Variants in FAM162A observed in about 807,000 individuals in gnomAD.
The protein encoded by FAM162A is protein FAM162A.
FAM162A carries 23 observed loss-of-function variants against 21.8 expected under a neutral mutation model. The observed-to-expected ratio is 1.05, with a 90% CI of 0.76 to 1.49. The LOEUF (loss-of-function observed/expected upper bound fraction) is 1.49, where lower values mean the gene tolerates loss of function less well. Ranked by LOEUF, FAM162A falls within the 40% of genes most tolerant of loss-of-function variation. FAM162A has a pLI of 0.00. For synonymous variants in FAM162A, 53 were observed against 61.3 expected (o/e 0.86, Z 0.64); for missense variants, 165 against 186.4 (o/e 0.89, Z 0.67).
intron 1 of FAM162A, among the ~76,000 whole-genome samples, chr3:122,402,128 A>G (rs2075655954): frequency 6.6e-6 from 1 of 152,028 alleles, no homozygotes. Context: ...GGTATTTATT[A>G]GCCATATAGC....
At chr3:122,390,237 C>A (rs1282443005) in intron 1 of FAM162A, among the ~76,000 whole-genome samples, 1 of 152,154 alleles carries the variant, frequency 6.6e-6, no homozygotes, top group Non-Finnish European at 1.5e-5. Context: ...GGTACGACAT[C>A]CCTCAGCAGA....
chr3:122,392,861 T>C (rs1053981057), intron 1 of FAM162A, among the ~76,000 whole-genome samples: 1 of 152,114 alleles, frequency 6.6e-6, no homozygotes, highest in African/African-American at 2.4e-5. Flanking sequence ...TGAAAAGTGT[T>C]CTAGAAGTTT....
chr3:122,395,027 A>G (rs2075621075), intron 1 of FAM162A, among the ~76,000 whole-genome samples: 1 of 152,234 alleles, frequency 6.6e-6, no homozygotes, highest in Admixed American at 6.5e-5. Context: ...ACACATAACC[A>G]CATCAGTAAA....
chr3:122,404,283 C>T lies in FAM162A; in HGVS notation c.183C>T (p.His61=), dbSNP rs1433478403. Residue 61 remains histidine (H), a synonymous_variant, in exon 3 of 5, where the codon CAC becomes CAT. Coordinates refer to ENST00000477892, the MANE Select transcript of FAM162A (RefSeq NM_014367.4). ...GCACTTACAACAGAGTGCCTTTACA[C>T]AAACCTACGGATTGGCAGAAAAAGA... ...PSRTYNRVPL[H]KPTDWQKKIL... 1 of 1,604,912 alleles carries T rather than the reference C, an allele frequency of 6.2e-7. No homozygotes were observed. Among genetic ancestry groups the T allele is most frequent in the African/African-American group, 1.3e-5 (1 of 74,282 alleles).
intron 3 of FAM162A, among the ~76,000 whole-genome samples, chr3:122,404,728 C>G (rs2075669418): frequency 6.6e-6 from 1 of 152,200 alleles, no homozygotes. Context: ...CTTAAGTACT[C>G]AACCTTAGGT....
At chr3:122,408,616 C>G (rs1421414033) in intron 4 of FAM162A, among the ~76,000 whole-genome samples, 1 of 152,122 alleles carries the variant, frequency 6.6e-6, no homozygotes, top group Non-Finnish European at 1.5e-5. Flanking sequence ...AACTCTGTTC[C>G]CACCCCACTT....
chr3:122,396,030 A>G (rs1222099614), intron 1 of FAM162A, among the ~76,000 whole-genome samples: 1 of 152,220 alleles, frequency 6.6e-6, no homozygotes, highest in Non-Finnish European at 1.5e-5. Flanking sequence ...CACAGAAAGT[A>G]TACTAGTATA....
intron 1 of FAM162A, 84 bp from the exon 2 acceptor site, chr3:122,402,676 C>A: frequency 7.9e-7 from 1 of 1,260,712 alleles, no homozygotes; most frequent in Non-Finnish European, 1.1e-6. Context: ...ATAAATGAAA[C>A]GTAACTTGCG....
chr3:122,405,047 G>GC (rs757700082), intron 3 of FAM162A, among the ~76,000 whole-genome samples: 68 of 152,320 alleles, frequency 4.5e-4, no homozygotes, highest in South Asian at 8.3e-4. Context: ...TCCAGACACT[G>GC]CCAAATGTCC....
At chr3:122,389,417 AG>A in intron 1 of FAM162A, among the ~76,000 whole-genome samples, 1 of 151,806 alleles carries the variant, frequency 6.6e-6, no homozygotes, top group South Asian at 2.1e-4. Context: ...ATAGATAGAT[AG>A]ATAGATAGAT....
intron 1 of FAM162A, among the ~76,000 whole-genome samples, chr3:122,385,411 G>T (rs868354738): frequency 2.0e-4 from 30 of 152,052 alleles, no homozygotes; most frequent in African/African-American, 7.0e-4. Flanking sequence ...CAGTTTTGTT[G>T]AACTAATTCA....
At chr3:122,387,923 C>A (rs373111681) in intron 1 of FAM162A, among the ~76,000 whole-genome samples, 1 of 151,690 alleles carries the variant, frequency 6.6e-6, no homozygotes, top group African/African-American at 2.4e-5. Flanking sequence ...CATGTAGGGG[C>A]GGTAATGAGT....
At position 122,410,809 on chromosome 3, in the gene FAM162A, A is replaced by G. The variant is rs913872881; in HGVS notation, c.*978A>G. ...TAGATTACATACCATTCAGTGTAGC[A>G]TGATGAAATCTCTTGCCAATCTGTT... is the stretch of plus-strand genomic sequence containing the variant. On this transcript the variant is annotated 3_prime_UTR_variant, in exon 5 of 5. Transcript: ENST00000477892. The G allele has an allele frequency of 6.6e-6, 1 of 150,596 alleles. No homozygotes were observed. The highest frequency in any genetic ancestry group is 2.5e-5 in the African/African-American group (1 of 39,910). 9.3% of individuals were successfully genotyped at this position (150,596 alleles called of 1,614,324 possible).
chr3:122,402,326 TAG>T (rs2075656900), intron 1 of FAM162A, among the ~76,000 whole-genome samples: 1 of 152,260 alleles, frequency 6.6e-6, no homozygotes, highest in South Asian at 2.1e-4. Context: ...CAAGGCTTTC[TAG>T]AGTCACTTGC....
intron 1 of FAM162A, among the ~76,000 whole-genome samples, chr3:122,393,847 C>T (rs2075615240): frequency 6.6e-6 from 1 of 152,166 alleles, no homozygotes; most frequent in Non-Finnish European, 1.5e-5. Flanking sequence ...TGAGAGGTCT[C>T]TAAGCTCTCA....
At chr3:122,394,430 C>G (rs543525172) in intron 1 of FAM162A, among the ~76,000 whole-genome samples, 2 of 152,326 alleles carry the variant, frequency 1.3e-5, no homozygotes, top group South Asian at 4.1e-4. Flanking sequence ...ATTAGTCTCT[C>G]CAGTTACTAG....
At chr3:122,403,008 G>T in intron 2 of FAM162A, 126 bp downstream of exon 2, 1 of 1,106,502 alleles carries the variant, frequency 9.0e-7, no homozygotes, top group Non-Finnish European at 1.3e-6. Flanking sequence ...AGAACACATT[G>T]TGTTCACATT....
intron 1 of FAM162A, among the ~76,000 whole-genome samples, chr3:122,395,968 G>A (rs537038335): frequency 6.6e-6 from 1 of 152,246 alleles, no homozygotes; most frequent in South Asian, 2.1e-4. Context: ...TAAACAAGTG[G>A]TGCTGGGAGA....
chr3:122,411,333 T>C lies in FAM162A; in HGVS notation c.*1502T>C, dbSNP rs1464554660. The stretch of plus-strand genomic sequence containing the variant: ...TAGCTTCTTTGTAGGTATCAAGTTA[T>C]CACTTGCAAATTTATTTTCAAAAAG... On this transcript the variant is annotated 3_prime_UTR_variant, in exon 5 of 5. Coordinates refer to ENST00000477892, the MANE Select transcript of FAM162A (RefSeq NM_014367.4). 2 of 152,260 alleles carry C rather than the reference T, an allele frequency of 1.3e-5. No individual in the cohort carries two copies. Among genetic ancestry groups the C allele is most frequent in the African/African-American group, 4.8e-5 (2 of 41,474 alleles). The allele number at this position is 152,260 out of a possible 1,614,324, so 9.4% of individuals were successfully genotyped here.
Sources: allele counts gnomAD v4.1 joint callset (sites outside exome capture counted in the v4.1 genomes callset), GRCh38; gene constraint gnomAD v4.1.1; transcripts MANE v1.5; gene names NCBI Gene and HGNC (gene_info 2026-07-23, HGNC 2026-07-21).